The following PTPRD variants were observed in gnomAD, a reference collection of about 807,000 sequenced individuals.
PTPRD encodes protein tyrosine phosphatase receptor type D.
A neutral mutation model predicts 214.5 loss-of-function variants in PTPRD; 34 were observed. The observed-to-expected ratio is 0.16, with a 90% CI of 0.12 to 0.21. The LOEUF (loss-of-function observed/expected upper bound fraction) is 0.21, where lower values mean the gene tolerates loss of function less well. Ranked by LOEUF, PTPRD falls within the 10% of genes least tolerant of loss-of-function variation. PTPRD has a pLI of 1.00. For missense variants in PTPRD, 2,545 were observed against 2,398.7 expected, an observed-to-expected ratio of 1.06 and a Z score of -1.27; for synonymous variants, 1,128 against 845.7, an observed-to-expected ratio of 1.33 and a Z score of -5.79.
At chr9:9,482,069 T>C (rs1399476424) in intron 8 of PTPRD, among the ~76,000 whole-genome samples, 2 of 152,072 alleles carry the variant, frequency 1.3e-5, no homozygotes, top group African/African-American at 2.4e-5. Context: ...TCAGCATCTG[T>C]ATCTGGCCCT....
At chr9:9,455,199 C>A (rs989610263) in intron 8 of PTPRD, among the ~76,000 whole-genome samples, 4 of 151,456 alleles carry the variant, frequency 2.6e-5, no homozygotes, top group African/African-American at 7.3e-5. Context: ...AAGTAACCCT[C>A]TTTTTTTGTT....
intron 9 of PTPRD, among the ~76,000 whole-genome samples, chr9:9,315,072 T>A (rs1961867013): frequency 6.6e-6 from 1 of 152,080 alleles, no homozygotes. Context: ...TAAGGCCAAC[T>A]AAAGTTGTCA....
chr9:9,317,429 A>G (rs1963859317), intron 9 of PTPRD, among the ~76,000 whole-genome samples: 1 of 152,278 alleles, frequency 6.6e-6, no homozygotes, highest in South Asian at 2.1e-4. Context: ...TCAATTTTCT[A>G]TGTGGGTGAA....
intron 14 of PTPRD, among the ~76,000 whole-genome samples, chr9:8,627,950 C>T (rs888866079): frequency 1.3e-5 from 2 of 151,926 alleles, no homozygotes; most frequent in South Asian, 2.1e-4. Flanking sequence ...AAAGCTTTAT[C>T]GTGTTGGTAT....
At chr9:10,222,497 A>G (rs1203680766) in intron 3 of PTPRD, among the ~76,000 whole-genome samples, 1 of 152,146 alleles carries the variant, frequency 6.6e-6, no homozygotes, top group Non-Finnish European at 1.5e-5. Context: ...CTGGCTGTCA[A>G]GCCATATTAT....
At position 8,767,416 on chromosome 9, in the gene PTPRD, G is replaced by A. The variant is rs138606282; in HGVS notation, c.-103-33470C>T. On this transcript the variant is annotated intron_variant, in intron 11 of 45. Coordinates refer to ENST00000381196, the MANE Select transcript of PTPRD (RefSeq NM_002839.4). Reference sequence around the variant, plus strand: ...ACAGGTTTGAGCCACCACACCCGGCGTCCCACATTTTTTGAACCAGTATTT... The same window carrying A: ...ACAGGTTTGAGCCACCACACCCGGCATCCCACATTTTTTGAACCAGTATTT... Among the ~76,000 whole-genome samples the A allele has an allele frequency of 7.1e-4, 108 of 152,016 alleles. 1 individual carries two copies. The East Asian group carries it at 0.017, about 25-fold the overall frequency.
At chr9:10,065,748 T>C (rs1015774262) in intron 3 of PTPRD, among the ~76,000 whole-genome samples, 2 of 151,924 alleles carry the variant, frequency 1.3e-5, no homozygotes, top group African/African-American at 4.8e-5. Context: ...AGCCCTGTTA[T>C]TGCTCCTTAA....
chr9:8,958,108 C>G (rs1276447458), intron 11 of PTPRD, among the ~76,000 whole-genome samples: 1 of 151,822 alleles, frequency 6.6e-6, no homozygotes, highest in Non-Finnish European at 1.5e-5. Flanking sequence ...CCCTGAGAGA[C>G]CAGTCAAGAT....
At chr9:10,581,323 G>C (rs1214225827) in intron 2 of PTPRD, among the ~76,000 whole-genome samples, 1 of 152,078 alleles carries the variant, frequency 6.6e-6, no homozygotes, top group African/African-American at 2.4e-5. Context: ...AAATATATAA[G>C]AAATGCAAGA....
intron 2 of PTPRD, among the ~76,000 whole-genome samples, chr9:10,345,704 G>C (rs949548998): frequency 6.6e-6 from 1 of 152,134 alleles, no homozygotes; most frequent in South Asian, 2.1e-4. Context: ...TTGCTATTGT[G>C]AACAGTGTTG....
intron 2 of PTPRD, among the ~76,000 whole-genome samples, chr9:10,363,920 G>C (rs2097447620): frequency 6.8e-6 from 1 of 147,184 alleles, no homozygotes; most frequent in Non-Finnish European, 1.5e-5. Context: ...AGTATTATAG[G>C]AATTTTTTTT....
chr9:9,661,639 G>C (rs549791449), intron 7 of PTPRD, among the ~76,000 whole-genome samples: 4 of 151,842 alleles, frequency 2.6e-5, no homozygotes, highest in African/African-American at 9.6e-5. Flanking sequence ...AAACAAAAAA[G>C]TATGTCTAAT....
chr9:9,521,080 T>C (rs1055246531), intron 8 of PTPRD, among the ~76,000 whole-genome samples: 6 of 152,146 alleles, frequency 3.9e-5, no homozygotes, highest in Non-Finnish European at 8.8e-5. Flanking sequence ...TAATCTTTTG[T>C]TTGGGAGATT....
intron 36 of PTPRD, among the ~76,000 whole-genome samples, chr9:8,403,983 A>G (rs2092710860): frequency 6.6e-6 from 1 of 152,170 alleles, no homozygotes; most frequent in Non-Finnish European, 1.5e-5. Flanking sequence ...CATCAACTAC[A>G]TTATCAAATC....
intron 2 of PTPRD, among the ~76,000 whole-genome samples, chr9:10,402,213 A>T (rs552593792): frequency 1.3e-5 from 2 of 151,880 alleles, no homozygotes; most frequent in East Asian, 3.9e-4. Flanking sequence ...AGATTGTCTT[A>T]TGAACATGCC....
intron 9 of PTPRD, among the ~76,000 whole-genome samples, chr9:9,379,409 G>A (rs10435826): frequency 0.23 from 35,451 of 151,220 alleles, 4,224 homozygotes; most frequent in Middle Eastern, 0.37. Context: ...CCTATTCTTC[G>A]TCCAATACCA....
At chr9:9,825,895 C>T (rs917519011) in intron 5 of PTPRD, among the ~76,000 whole-genome samples, 5 of 151,444 alleles carry the variant, frequency 3.3e-5, no homozygotes, top group African/African-American at 9.7e-5. Flanking sequence ...CACATTTATT[C>T]TTTTTTCTTT....
chr9:9,440,030 T>A lies in PTPRD; in HGVS notation c.-236-42548A>T, dbSNP rs1359615797. 3.3e-5 allele frequency among the ~76,000 whole-genome samples: 5 copies of A among 152,130 alleles called. 1 individual carries two copies. Among genetic ancestry groups the A allele is most frequent in the Admixed American group, 3.3e-4 (5 of 15,260 alleles). On this transcript the variant is annotated intron_variant, in intron 8 of 45. Transcript: ENST00000381196. The stretch of plus-strand genomic sequence containing the variant: ...CCTCCAGCTTCATGAAAGCAAAAGG[T>A]TAGGTTGTCATGCAGTCTAGAAACC...
chr9:10,138,034 CAAA>C (rs1237522725), intron 3 of PTPRD, among the ~76,000 whole-genome samples: 1 of 151,764 alleles, frequency 6.6e-6, no homozygotes, highest in Non-Finnish European at 1.5e-5. Flanking sequence ...AAAGAAACAA[CAAA>C]AATCAGAGAA....
Sources: allele counts gnomAD v4.1 joint callset (sites outside exome capture counted in the v4.1 genomes callset), GRCh38; gene constraint gnomAD v4.1.1; transcripts MANE v1.5; gene names NCBI Gene and HGNC (gene_info 2026-07-23, HGNC 2026-07-21).